Variants in CMC1 observed in about 807,000 individuals in gnomAD.
CMC1 encodes the protein COX assembly mitochondrial protein homolog.
Under a neutral mutation model 14.1 loss-of-function variants are expected in CMC1, and 14 were observed. The observed-to-expected ratio is 0.99, with a 90% CI of 0.66 to 1.55. CMC1 has a LOEUF of 1.55. Among genes scored for constraint, CMC1 ranks in the 40% most tolerant of loss-of-function variants. The pLI is 0.00. For missense variants in CMC1, 127 were observed against 123.8 expected (o/e 1.03, Z -0.12); for synonymous variants, 50 against 38.4 (o/e 1.30, Z -1.12).
intron 2 of CMC1, among the ~76,000 whole-genome samples, chr3:28,276,592 A>C (rs1228669694): frequency 6.6e-6 from 1 of 152,218 alleles, no homozygotes; most frequent in Non-Finnish European, 1.5e-5. Context: ...GCCTTTAAGC[A>C]GATGTGCTTG....
At chr3:28,256,201 G>GTGTA (rs1553613674) in intron 1 of CMC1, among the ~76,000 whole-genome samples, 2 of 147,784 alleles carry the variant, frequency 1.4e-5, no homozygotes, top group East Asian at 2.0e-4. Flanking sequence ...ATGTGTGTGT[G>GTGTA]TATATATATA....
intron 2 of CMC1, among the ~76,000 whole-genome samples, chr3:28,276,848 C>T (rs187279122): frequency 1.1e-4 from 17 of 152,298 alleles, no homozygotes; most frequent in Admixed American, 1.0e-3. Context: ...AGATTTAAAA[C>T]CAGTTATTAA....
At chr3:28,305,826 G>A (rs985818204) in intron 2 of CMC1, among the ~76,000 whole-genome samples, 4 of 54,232 alleles carry the variant, frequency 7.4e-5, no homozygotes, top group Admixed American at 2.9e-4. Flanking sequence ...GAGGTCTTAC[G>A]TTTAAGTCTT....
chr3:28,264,432 T>C (rs530218242), intron 2 of CMC1, among the ~76,000 whole-genome samples: 1 of 152,320 alleles, frequency 6.6e-6, no homozygotes, highest in African/African-American at 2.4e-5. Flanking sequence ...TTCTTTGGAA[T>C]CAACAATGTG....
Position 28,251,025 on chromosome 3 carries a change from A to G in CMC1, c.19+9213A>G, listed in dbSNP as rs187604833. 4.9e-4 allele frequency among the ~76,000 whole-genome samples: 74 copies of G among 152,330 alleles called. 1 individual carries two copies. The highest frequency in any genetic ancestry group is 1.7e-3 in the African/African-American group (71 of 41,580). On this transcript the variant is annotated intron_variant, in intron 1 of 3. Transcript: ENST00000466830. The stretch of plus-strand genomic sequence containing the variant: ...AACCAGAGACAGTCTGGTGAAGGTG[A>G]TAGACGATCATCCTGGGAAATGCTG...
At position 28,265,424 on chromosome 3, in the gene CMC1, C is replaced by T. The variant is rs181370583; in HGVS notation, c.109+2044C>T. 6.4e-4 allele frequency among the ~76,000 whole-genome samples: 98 copies of T among 152,070 alleles called. 1 individual carries two copies. In the East Asian group the frequency reaches 9.5e-3, roughly 15 times the overall value. On this transcript the variant is annotated intron_variant, in intron 2 of 3. Transcript: ENST00000466830. The stretch of plus-strand genomic sequence containing the variant: ...TCAACAGTTATACATAATTTAGAAT[C>T]GGGACATTTCCATTGTAGTTTATTT...
chr3:28,285,919 C>T (rs1701153771), intron 2 of CMC1, among the ~76,000 whole-genome samples: 1 of 152,110 alleles, frequency 6.6e-6, no homozygotes. Context: ...CGCCTGCCAC[C>T]ACACCCGGCT....
At position 28,324,148 on chromosome 3, in the gene CMC1, C is replaced by T. The variant is rs749558733; in HGVS notation, c.*4519C>T. On this transcript the variant is annotated 3_prime_UTR_variant, in exon 4 of 4. Coordinates refer to ENST00000466830, the MANE Select transcript of CMC1 (RefSeq NM_182523.2). ...TTTAGTTTCCCCAAATGCTGTCTCACTTGATTTAGGAGGACTTGGAAATAC... is the reference window on the plus strand; with the variant it reads ...TTTAGTTTCCCCAAATGCTGTCTCATTTGATTTAGGAGGACTTGGAAATAC... 1 of 1,610,628 alleles carries T rather than the reference C, an allele frequency of 6.2e-7. No homozygotes were observed. Among genetic ancestry groups the T allele is most frequent in the South Asian group, 1.1e-5 (1 of 90,994 alleles).
chr3:28,267,736 A>G (rs1316430871), intron 2 of CMC1, among the ~76,000 whole-genome samples: 3 of 152,222 alleles, frequency 2.0e-5, no homozygotes, highest in Non-Finnish European at 2.9e-5. Context: ...GTGAAATTCC[A>G]AAGATAAGTG....
intron 2 of CMC1, among the ~76,000 whole-genome samples, chr3:28,278,766 A>G (rs1337436406): frequency 2.0e-5 from 3 of 152,222 alleles, no homozygotes; most frequent in African/African-American, 7.2e-5. Flanking sequence ...TTAATATAGC[A>G]GGACCATTAT....
intron 3 of CMC1, chr3:28,317,009 T>A (rs1307951526): frequency 6.6e-6 from 1 of 152,130 alleles, no homozygotes; most frequent in African/African-American, 2.4e-5. Context: ...ACCCATGTTC[T>A]ATTGCCCACA....
intron 2 of CMC1, among the ~76,000 whole-genome samples, chr3:28,270,619 T>G (rs1349407696): frequency 6.6e-6 from 1 of 151,908 alleles, no homozygotes; most frequent in East Asian, 1.9e-4. Context: ...TTCTTATAAA[T>G]TTGTTAAGTT....
chr3:28,299,051 T>G (rs1000925726), intron 2 of CMC1, among the ~76,000 whole-genome samples: 2 of 152,126 alleles, frequency 1.3e-5, no homozygotes, highest in African/African-American at 4.8e-5. Context: ...ATAGTGAGGT[T>G]GTTTTAAACA....
chr3:28,250,374 C>CA (rs1194105452), intron 1 of CMC1, among the ~76,000 whole-genome samples: 2 of 151,980 alleles, frequency 1.3e-5, no homozygotes, highest in East Asian at 1.9e-4. Flanking sequence ...ACTTTGATAA[C>CA]AAAAAATAAG....
Position 28,321,257 on chromosome 3 carries a change from A to G in CMC1, c.*1628A>G, listed in dbSNP as rs1166416184. The G allele has an allele frequency of 1.3e-5, 2 of 151,368 alleles. No homozygotes were observed. Among genetic ancestry groups the G allele is most frequent in the Non-Finnish European group, 3.0e-5 (2 of 67,522 alleles). The allele number at this position is 151,368 out of a possible 1,614,324, so 9.4% of individuals were successfully genotyped here. On this transcript the variant is annotated 3_prime_UTR_variant, in exon 4 of 4. Transcript: ENST00000466830. ...TTGGTATTGGTGCATTTCCTAGAGC[A>G]CAGGAAGTTAACTGTTTTTAGAGAT...
chr3:28,304,071 T>C (rs1256450314), intron 2 of CMC1, among the ~76,000 whole-genome samples: 4 of 152,082 alleles, frequency 2.6e-5, no homozygotes. Context: ...AAAATGTCTT[T>C]AGCTATGTTG....
chr3:28,301,052 G>A (rs972761932), intron 2 of CMC1, among the ~76,000 whole-genome samples: 2 of 150,984 alleles, frequency 1.3e-5, no homozygotes, highest in African/African-American at 4.9e-5. Context: ...ATAGTATTTC[G>A]TGATACAGTG....
intron 2 of CMC1, among the ~76,000 whole-genome samples, chr3:28,300,340 GA>G (rs879087613): frequency 6.6e-6 from 1 of 152,078 alleles, no homozygotes; most frequent in Admixed American, 6.6e-5. Context: ...TTATATTCGA[GA>G]ACAATTAGCA....
intron 1 of CMC1, among the ~76,000 whole-genome samples, chr3:28,251,064 C>G (rs957808882): frequency 6.6e-6 from 1 of 152,144 alleles, no homozygotes; most frequent in Admixed American, 6.5e-5. Flanking sequence ...CTTCCCTTGT[C>G]TCAGTTTGTT....
Sources: allele counts gnomAD v4.1 joint callset (sites outside exome capture counted in the v4.1 genomes callset), GRCh38; gene constraint gnomAD v4.1.1; transcripts MANE v1.5; gene names NCBI Gene and HGNC (gene_info 2026-07-23, HGNC 2026-07-21).